Variants in THSD4 observed in about 807,000 individuals in gnomAD.
THSD4 encodes thrombospondin type 1 domain containing 4.
Under a neutral mutation model 119.0 loss-of-function variants are expected in THSD4, and 69 were observed. That is an observed-to-expected ratio of 0.58 (90% CI 0.48 to 0.71). THSD4 has a LOEUF of 0.71. Among genes scored for constraint, THSD4 ranks in the 30% least tolerant of loss-of-function variants. THSD4 has a pLI of 0.00. For missense variants in THSD4, 1,393 were observed against 1,391.1 expected, an observed-to-expected ratio of 1.00 and a Z score of -0.02; for synonymous variants, 524 against 540.4, an observed-to-expected ratio of 0.97 and a Z score of 0.42.
chr15:71,137,540 T>A (rs1295738681), intron 1 of THSD4, among the ~76,000 whole-genome samples: 1 of 152,222 alleles, frequency 6.6e-6, no homozygotes. Context: ...TTATCTTTCA[T>A]TCTTTTTTAC....
chr15:71,542,133 G>A (rs1456456583), intron 7 of THSD4, among the ~76,000 whole-genome samples: 1 of 152,148 alleles, frequency 6.6e-6, no homozygotes, highest in Admixed American at 6.5e-5. Flanking sequence ...AAATGCAGAA[G>A]GCATGAGAGA....
intron 17 of THSD4, among the ~76,000 whole-genome samples, chr15:71,776,232 T>C (rs899969197): frequency 6.6e-6 from 1 of 152,154 alleles, no homozygotes; most frequent in Admixed American, 6.5e-5. Flanking sequence ...ATCAATTACA[T>C]TAAAATTAAA....
At chr15:71,167,712 T>G (rs1235384893) in intron 3 of THSD4, among the ~76,000 whole-genome samples, 1 of 152,218 alleles carries the variant, frequency 6.6e-6, no homozygotes, top group Non-Finnish European at 1.5e-5. Flanking sequence ...TAGAAAACCA[T>G]TTATGGTAAA....
At chr15:71,491,484 G>T (rs1406471037) in intron 7 of THSD4, among the ~76,000 whole-genome samples, 1 of 152,212 alleles carries the variant, frequency 6.6e-6, no homozygotes, top group African/African-American at 2.4e-5. Flanking sequence ...ACCTTGCACT[G>T]CCTTGGAACT....
At chr15:71,528,832 A>G (rs1340526203) in intron 7 of THSD4, among the ~76,000 whole-genome samples, 2 of 152,220 alleles carry the variant, frequency 1.3e-5, no homozygotes, top group African/African-American at 4.8e-5. Flanking sequence ...GGTTTCATGG[A>G]TGGTAAAGAG....
At chr15:71,658,773 G>A (rs2140992961) in intron 7 of THSD4, among the ~76,000 whole-genome samples, 1 of 152,290 alleles carries the variant, frequency 6.6e-6, no homozygotes, top group East Asian at 1.9e-4. Flanking sequence ...AATTGGATGT[G>A]GATGAGCATA....
intron 5 of THSD4, among the ~76,000 whole-genome samples, chr15:71,250,605 C>T (rs537064548): frequency 6.6e-6 from 1 of 152,258 alleles, no homozygotes; most frequent in Admixed American, 6.5e-5. Flanking sequence ...GGCATGGGTC[C>T]ACCACACCAG....
At chr15:71,317,453 G>C (rs114470609) in intron 6 of THSD4, among the ~76,000 whole-genome samples, 3 of 152,206 alleles carry the variant, frequency 2.0e-5, no homozygotes, top group Admixed American at 2.0e-4. Context: ...AGGCAAGAGA[G>C]CATGTGCAGG....
intron 6 of THSD4, among the ~76,000 whole-genome samples, chr15:71,403,715 A>C (rs1271931481): frequency 6.6e-6 from 1 of 152,208 alleles, no homozygotes. Flanking sequence ...GCTTTCAATA[A>C]AAGCAGTAGA....
In THSD4 at chr15:71,180,930, A is replaced by G. The variant is rs903625007; in HGVS notation, c.99+25998A>G. 2.0e-5 allele frequency among the ~76,000 whole-genome samples: 3 copies of G among 152,186 alleles called. No individual in the cohort carries two copies. In the East Asian group the frequency reaches 5.8e-4, roughly 29 times the overall value. The stretch of plus-strand genomic sequence containing the variant: ...GTGTACTTTATGTATGTTATACCTC[A>G]ATTAAAAAAAAAGAGGAGAAGGAAA... On this transcript the variant is annotated intron_variant, in intron 3 of 17. Coordinates refer to ENST00000261862, the MANE Select transcript of THSD4 (RefSeq NM_024817.3).
At chr15:71,259,503 T>G (rs1336279647) in intron 6 of THSD4, among the ~76,000 whole-genome samples, 1 of 152,228 alleles carries the variant, frequency 6.6e-6, no homozygotes, top group Non-Finnish European at 1.5e-5. Context: ...CAGCTGATAG[T>G]AGCAGATGCC....
At chr15:71,128,684 C>T (rs623354) in intron 1 of THSD4, among the ~76,000 whole-genome samples, 27,573 of 152,092 alleles carry the variant, frequency 0.18, 7,452 homozygotes, top group African/African-American at 0.59. Flanking sequence ...ATTCAAGAAG[C>T]TGAGCAAACC....
intron 5 of THSD4, among the ~76,000 whole-genome samples, chr15:71,245,679 G>T (rs1321926258): frequency 6.6e-6 from 1 of 152,144 alleles, no homozygotes; most frequent in Non-Finnish European, 1.5e-5. Flanking sequence ...TCTCCCCTGT[G>T]CCCGGGGTTT....
chr15:71,438,861 G>A (rs1462845869), intron 7 of THSD4, among the ~76,000 whole-genome samples: 2 of 152,136 alleles, frequency 1.3e-5, no homozygotes, highest in Non-Finnish European at 2.9e-5. Context: ...ACTTGGAAAA[G>A]CCACCTGTAT....
At chr15:71,421,883 G>T (rs1026239313) in intron 7 of THSD4, among the ~76,000 whole-genome samples, 1 of 152,046 alleles carries the variant, frequency 6.6e-6, no homozygotes, top group Non-Finnish European at 1.5e-5. Context: ...GTCTCCTCTT[G>T]TGTATTTTCA....
chr15:71,362,097 C>T (rs983447162), intron 6 of THSD4, among the ~76,000 whole-genome samples: 2 of 152,018 alleles, frequency 1.3e-5, no homozygotes, highest in East Asian at 1.9e-4. Flanking sequence ...GCCAACATGG[C>T]GAAACCCCAT....
At chr15:71,775,805 A>T (rs2053902641) in intron 17 of THSD4, among the ~76,000 whole-genome samples, 1 of 152,246 alleles carries the variant, frequency 6.6e-6, no homozygotes, top group Non-Finnish European at 1.5e-5. Context: ...TTTGATGATT[A>T]ACCATGTTGA....
intron 6 of THSD4, among the ~76,000 whole-genome samples, chr15:71,309,371 A>G (rs149993077): frequency 2.1e-4 from 32 of 152,294 alleles, no homozygotes; most frequent in Admixed American, 1.1e-3. Flanking sequence ...TTTATTGTTA[A>G]AGTGTAAGCG....
chr15:71,322,518 T>G (rs1292464812), intron 6 of THSD4, among the ~76,000 whole-genome samples: 2 of 152,220 alleles, frequency 1.3e-5, no homozygotes, highest in Non-Finnish European at 2.9e-5. Context: ...AACAAATTAT[T>G]CTAAAACCTA....
Sources: allele counts gnomAD v4.1 joint callset (sites outside exome capture counted in the v4.1 genomes callset), GRCh38; gene constraint gnomAD v4.1.1; transcripts MANE v1.5; gene names NCBI Gene and HGNC (gene_info 2026-07-23, HGNC 2026-07-21).